ST6GAL2: variants seen among roughly 807,000 people sequenced by gnomAD.
ST6GAL2 encodes ST6 beta-galactoside alpha-2,6-sialyltransferase 2.
Under a neutral mutation model 37.5 loss-of-function variants are expected in ST6GAL2, and 24 were observed. The ratio of observed to expected loss-of-function variants is 0.64; its 90% CI spans 0.46 to 0.90. The LOEUF is 0.90. ST6GAL2 is among the 40% of genes least tolerant of loss of function. The pLI is 0.00. For synonymous variants in ST6GAL2, 306 were observed against 295.1 expected (o/e 1.04, Z -0.38); for missense variants, 715 against 712.7 (o/e 1.00, Z -0.04).
chr2:106,839,897 G>T (rs1487518319), intron 2 of ST6GAL2, among the ~76,000 whole-genome samples: 1 of 152,226 alleles, frequency 6.6e-6, no homozygotes, highest in Non-Finnish European at 1.5e-5. Context: ...CAATTAGTTT[G>T]TTTTTCAATA....
intron 5 of ST6GAL2, among the ~76,000 whole-genome samples, chr2:106,809,277 A>G (rs889300409): frequency 5.3e-5 from 8 of 152,216 alleles, no homozygotes; most frequent in African/African-American, 1.9e-4. Context: ...TCATTAATCA[A>G]TATATTTATT....
chr2:106,876,428 T>C (rs1573322576), intron 1 of ST6GAL2, among the ~76,000 whole-genome samples: 1 of 152,234 alleles, frequency 6.6e-6, no homozygotes, highest in African/African-American at 2.4e-5. Flanking sequence ...TATTGAACTT[T>C]TGTATTTTAA....
chr2:106,807,310 CAT>C (rs1430501895), intron 5 of ST6GAL2, among the ~76,000 whole-genome samples: 1 of 152,182 alleles, frequency 6.6e-6, no homozygotes, highest in South Asian at 2.1e-4. Context: ...ATTCTATACA[CAT>C]GTCCCATCTG....
Position 106,843,781 on chromosome 2 carries a change from T to G in ST6GAL2, c.197A>C (p.His66Pro). The change falls in exon 2 of 6, where the codon CAT becomes CCT. Residue 66 changes from histidine (H) to proline (P), a missense_variant. Physicochemically the swap from His to Pro is moderately conservative, Grantham distance 77. Transcript: ENST00000409382. ...GKQRAIMGAAHEPSPPGGLDA... is the reference protein window; with the variant it reads ...GKQRAIMGAAPEPSPPGGLDA... ...CAGGCCCCCAGGCGGGGAGGGCTCATGTGCGGCGCCCATGATGGCCCGCTG... is the reference window on the plus strand; with the variant it reads ...CAGGCCCCCAGGCGGGGAGGGCTCAGGTGCGGCGCCCATGATGGCCCGCTG... 6.2e-7 allele frequency: 1 copy of G among 1,610,382 alleles called. No individual in the cohort carries two copies. The highest frequency in any genetic ancestry group is 8.5e-7 in the Non-Finnish European group (1 of 1,178,212).
chr2:106,848,533 C>T (rs2104539139), intron 1 of ST6GAL2, among the ~76,000 whole-genome samples: 1 of 152,250 alleles, frequency 6.6e-6, no homozygotes, highest in East Asian at 1.9e-4. Flanking sequence ...AGTGAAACAA[C>T]AAAAACAAAG....
chr2:106,871,293 GAGTC>G (rs1678257356), intron 1 of ST6GAL2, among the ~76,000 whole-genome samples: 1 of 152,316 alleles, frequency 6.6e-6, no homozygotes, highest in Admixed American at 6.5e-5. Context: ...TGCTCTGGGT[GAGTC>G]AGTCAGTGGT....
chr2:106,844,717 G>A (rs150961546), intron 1 of ST6GAL2, among the ~76,000 whole-genome samples: 1 of 152,150 alleles, frequency 6.6e-6, no homozygotes, highest in Admixed American at 6.5e-5. Flanking sequence ...CACCCTTACC[G>A]TGAACTTTTG....
chr2:106,812,174 T>G (rs1675636366), intron 5 of ST6GAL2, among the ~76,000 whole-genome samples: 1 of 152,206 alleles, frequency 6.6e-6, no homozygotes, highest in South Asian at 2.1e-4. Flanking sequence ...GATTTCTCTC[T>G]GCAATAACAC....
rs1372534439 is a variant in ST6GAL2, at chr2:106,808,773, C to T, written c.1319-1824G>A. Among the ~76,000 whole-genome samples, 5 of 152,182 alleles carry T rather than the reference C, an allele frequency of 3.3e-5. No individual in the cohort carries two copies. In the South Asian group the frequency reaches 6.2e-4, roughly 19 times the overall value. ...TACAAGGAATTCACATGGTGAATGA[C>T]ATCTGCCCATGGAGAATTAAATTCT... is the stretch of plus-strand genomic sequence containing the variant. On this transcript the variant is annotated intron_variant, in intron 5 of 5. Coordinates refer to ENST00000409382, the MANE Select transcript of ST6GAL2 (RefSeq NM_001142351.2).
intron 5 of ST6GAL2, among the ~76,000 whole-genome samples, chr2:106,827,336 A>C (rs1676247162): frequency 1.3e-5 from 2 of 152,210 alleles, no homozygotes; most frequent in Admixed American, 6.5e-5. Flanking sequence ...GATCAAGATC[A>C]AAGAAGAGGG....
At chr2:106,871,676 T>A (rs757200892) in intron 1 of ST6GAL2, among the ~76,000 whole-genome samples, 10 of 152,220 alleles carry the variant, frequency 6.6e-5, no homozygotes, top group African/African-American at 2.4e-4. Flanking sequence ...AGCCTAGGCC[T>A]ACACAGGGTC....
intron 1 of ST6GAL2, among the ~76,000 whole-genome samples, chr2:106,846,846 T>C (rs1311001189): frequency 3.9e-5 from 6 of 152,220 alleles, no homozygotes; most frequent in Non-Finnish European, 8.8e-5. Context: ...GCACTTGTTC[T>C]GGATTATTTT....
chr2:106,867,608 T>G (rs1261036671), intron 1 of ST6GAL2, among the ~76,000 whole-genome samples: 2 of 152,166 alleles, frequency 1.3e-5, no homozygotes, highest in African/African-American at 4.8e-5. Context: ...TTCTGCTTTT[T>G]TTTTCCTCCT....
Position 106,843,748 on chromosome 2 carries a change from C to A in ST6GAL2, c.230G>T (p.Arg77Leu), listed in dbSNP as rs758806051. The change falls in exon 2 of 6, where the codon CGC becomes CTC. Residue 77 changes from arginine to leucine, a missense_variant. Arg to Leu is a moderately radical substitution (Grantham distance 102). Around this residue, in one of 3 missense-constraint regions of ST6GAL2, gnomAD observed 512 missense variants for 488.8 expected, o/e 1.05. Transcript: ENST00000409382. ...TGGGTGGGCGCGGGGCAGCGCCTGG[C>A]GTGCGTCCAGGCCCCCAGGCGGGGA... The part of the protein sequence containing the change: ...EPSPPGGLDA[R>L]QALPRAHPAG... 83 of 1,611,234 alleles carry A rather than the reference C, an allele frequency of 5.2e-5. No individual in the cohort carries two copies. Among genetic ancestry groups the A allele is most frequent in the Non-Finnish European group, 7.0e-5 (82 of 1,179,028 alleles).
At chr2:106,834,428 T>C in intron 2 of ST6GAL2, 1 of 292,862 alleles carries the variant, frequency 3.4e-6, no homozygotes, top group Non-Finnish European at 6.4e-6. Context: ...TTTTCAACAT[T>C]CTTACAAGTG....
chr2:106,817,077 G>T (rs771884556), intron 5 of ST6GAL2, among the ~76,000 whole-genome samples: 1 of 152,194 alleles, frequency 6.6e-6, no homozygotes, highest in Non-Finnish European at 1.5e-5. Flanking sequence ...CTGAGTTCTG[G>T]CAAGCCTCGC....
chr2:106,866,067 G>A (rs1678013550), intron 1 of ST6GAL2, among the ~76,000 whole-genome samples: 1 of 152,134 alleles, frequency 6.6e-6, no homozygotes. Flanking sequence ...AGGCTTATTA[G>A]GTACCAAGAA....
At chr2:106,867,080 G>A (rs532309249) in intron 1 of ST6GAL2, among the ~76,000 whole-genome samples, 1 of 152,290 alleles carries the variant, frequency 6.6e-6, no homozygotes, top group South Asian at 2.1e-4. Context: ...GGAGGGCAGG[G>A]AAGCAGTGGG....
chr2:106,852,343 T>C (rs1377113273), intron 1 of ST6GAL2, among the ~76,000 whole-genome samples: 1 of 152,112 alleles, frequency 6.6e-6, no homozygotes, highest in Non-Finnish European at 1.5e-5. Flanking sequence ...CCAGAATGCA[T>C]GGAGCAATCC....
Sources: gnomAD v4.1 joint callset for allele counts (sites outside exome capture counted in the v4.1 genomes callset) on GRCh38, gnomAD v4.1.1 for gene constraint, gnomAD v4.1.1 regional missense constraint, MANE v1.5 for transcripts, NCBI Gene and HGNC (gene_info 2026-07-23, HGNC 2026-07-21) for gene names.